The following ARHGEF26 variants were observed in gnomAD, a reference collection of about 807,000 sequenced individuals.
ARHGEF26 encodes the protein Rho guanine nucleotide exchange factor 26, also known as Rho guanine nucleotide exchange factor (GEF) 26.
In ARHGEF26, 59 loss-of-function variants were observed where a neutral mutation model predicts 89.4. The observed-to-expected ratio is 0.66, with a 90% CI of 0.54 to 0.82. The LOEUF (loss-of-function observed/expected upper bound fraction) is 0.82, where lower values mean the gene tolerates loss of function less well. ARHGEF26 is among the 40% of genes least tolerant of loss of function. The pLI, the probability that ARHGEF26 is intolerant of heterozygous loss-of-function variation, is 0.00. For synonymous variants in ARHGEF26, 500 were observed against 428.4 expected, an observed-to-expected ratio of 1.17 and a Z score of -2.06; for missense variants, 1,234 against 1,085.6, an observed-to-expected ratio of 1.14 and a Z score of -1.92.
At chr3:154,204,333 CT>C (rs55822103) in intron 9 of ARHGEF26, among the ~76,000 whole-genome samples, 200 of 113,308 alleles carry the variant, frequency 1.8e-3, no homozygotes, top group African/African-American at 5.4e-3. Context: ...TTTTCTTTTC[CT>C]TTTTTTTTTT....
At chr3:154,250,410 A>G (rs927206865) in intron 12 of ARHGEF26, among the ~76,000 whole-genome samples, 6 of 152,202 alleles carry the variant, frequency 3.9e-5, no homozygotes, top group East Asian at 1.9e-4. Flanking sequence ...CACTCAATTG[A>G]AAGTCTCAAA....
At chr3:154,226,693 ACACC>A (rs1559912602) in intron 11 of ARHGEF26, among the ~76,000 whole-genome samples, 2 of 123,132 alleles carry the variant, frequency 1.6e-5, no homozygotes, top group African/African-American at 5.7e-5. Context: ...ACACACACAC[ACACC>A]CCTTCAGCTC....
chr3:154,240,040 G>T (rs1717394813), intron 11 of ARHGEF26, among the ~76,000 whole-genome samples: 1 of 152,114 alleles, frequency 6.6e-6, no homozygotes, highest in African/African-American at 2.4e-5. Context: ...TGTGGAAGCT[G>T]GGGAGGTACA....
In ARHGEF26 at chr3:154,191,286, C is replaced by T. The variant is rs1310119471; in HGVS notation, c.1641-3C>T. 2 of 1,605,108 alleles carry T rather than the reference C, an allele frequency of 1.2e-6. No homozygotes were observed. Among genetic ancestry groups the T allele is most frequent in the East Asian group, 2.2e-5 (1 of 44,808 alleles). On this transcript the variant is annotated splice_polypyrimidine_tract_variant and splice_region_variant and intron_variant, in intron 7 of 14. Transcript: ENST00000465093. ...AGTTTCTCTTTTCTTTGTTTTCCCTCAGAGCTACCAATCCATCCTTTAAGG... is the reference window on the plus strand; with the variant it reads ...AGTTTCTCTTTTCTTTGTTTTCCCTTAGAGCTACCAATCCATCCTTTAAGG...
intron 11 of ARHGEF26, among the ~76,000 whole-genome samples, chr3:154,230,929 G>T (rs376638512): frequency 2.0e-5 from 3 of 152,100 alleles, no homozygotes; most frequent in East Asian, 1.9e-4. Flanking sequence ...AGCTGTGCAG[G>T]CTCCCTTGAA....
At chr3:154,207,997 A>G (rs919178020) in intron 9 of ARHGEF26, among the ~76,000 whole-genome samples, 3 of 152,200 alleles carry the variant, frequency 2.0e-5, no homozygotes, top group African/African-American at 7.2e-5. Flanking sequence ...GCAGGAACGG[A>G]AAAACACATA....
Position 154,124,271 on chromosome 3 carries a change from G to A in ARHGEF26, c.1084-139G>A. 3 of 629,374 alleles carry A rather than the reference G, an allele frequency of 4.8e-6. No individual in the cohort carries two copies. In the South Asian group the frequency reaches 5.9e-5, roughly 12 times the overall value. 39.0% of individuals were successfully genotyped at this position (629,374 alleles called of 1,614,324 possible). ...AACTCCTCCAGGGCTCAGCTTCTGTGCGCTCTTGGAAATCTAATTAATGTA... is the reference window on the plus strand; with the variant it reads ...AACTCCTCCAGGGCTCAGCTTCTGTACGCTCTTGGAAATCTAATTAATGTA... On this transcript the variant is annotated intron_variant, in intron 2 of 14. Transcript: ENST00000465093.
Position 154,253,124 on chromosome 3 carries a change from G to T in ARHGEF26, c.2309G>T (p.Arg770Leu), listed in dbSNP as rs756726624. 9 of 1,613,846 alleles carry T rather than the reference G, an allele frequency of 5.6e-6. No individual in the cohort carries two copies. In the East Asian group the frequency reaches 1.3e-4, roughly 24 times the overall value. Residue 770 changes from arginine (R) to leucine (L), a missense_variant, in exon 13 of 15, where the codon CGA (arginine) becomes CTA (leucine). Coordinates refer to ENST00000465093, the MANE Select transcript of ARHGEF26 (RefSeq NM_015595.4). ...TCTGCCCTCTGTTTTAGGAGCGAGC[G>T]AGCCCGCTGGATAACTGCCCTGGGA... is the stretch of plus-strand genomic sequence containing the variant. ...MLLGAETQSE[R>L]ARWITALGHS...
intron 9 of ARHGEF26, 90 bp downstream of exon 9, chr3:154,194,808 G>A: frequency 9.0e-7 from 1 of 1,114,258 alleles, no homozygotes; most frequent in Non-Finnish European, 1.3e-6. Context: ...GCTGAAAACT[G>A]GTAGAGTCTC....
chr3:154,224,634 G>A (rs1285983603), intron 10 of ARHGEF26, among the ~76,000 whole-genome samples: 1 of 152,172 alleles, frequency 6.6e-6, no homozygotes, highest in South Asian at 2.1e-4. Context: ...AGTTATCTAA[G>A]CAATCTGTCG....
chr3:154,191,506 G>A, intron 8 of ARHGEF26, 88 bp downstream of exon 8: 3 of 1,457,518 alleles, frequency 2.1e-6, no homozygotes, highest in Non-Finnish European at 2.7e-6. Context: ...CACTTAAATT[G>A]ATGCATATTT....
chr3:154,216,491 TA>T (rs146408459), intron 9 of ARHGEF26, among the ~76,000 whole-genome samples: 1,897 of 37,782 alleles, frequency 0.05, 24 homozygotes, highest in African/African-American at 0.11. Flanking sequence ...TTTTTTTTTT[TA>T]TTTTTTTTTA....
intron 3 of ARHGEF26, among the ~76,000 whole-genome samples, chr3:154,125,671 T>G (rs1477651630): frequency 6.6e-6 from 1 of 152,220 alleles, no homozygotes; most frequent in East Asian, 1.9e-4. Context: ...TTAGATTTTT[T>G]TTGAAGTCAG....
At chr3:154,121,081 T>TCAGGGCTTCCTAAGCTGCAATTCAG (rs1199784873), upstream of ARHGEF26, 2 of 152,248 alleles carry the variant, frequency 1.3e-5, no homozygotes, top group Non-Finnish European at 2.9e-5. Context: ...CCTCCAGGAT[T>TCAGGGCTTCCTAAGCTGCAATTCAG]CAGGGCTTCC....
At chr3:154,250,116 C>T (rs1243728677) in intron 12 of ARHGEF26, among the ~76,000 whole-genome samples, 2 of 152,144 alleles carry the variant, frequency 1.3e-5, no homozygotes, top group Non-Finnish European at 2.9e-5. Flanking sequence ...CCGCAACCTC[C>T]GCCTCCCAGG....
intron 4 of ARHGEF26, among the ~76,000 whole-genome samples, chr3:154,141,508 A>G (rs894524070): frequency 2.0e-5 from 3 of 152,212 alleles, no homozygotes; most frequent in African/African-American, 7.2e-5. Flanking sequence ...CTGCTTTTGC[A>G]GAGGCTGTGA....
chr3:154,224,713 C>T (rs1716367354), intron 10 of ARHGEF26, among the ~76,000 whole-genome samples: 1 of 152,152 alleles, frequency 6.6e-6, no homozygotes, highest in African/African-American at 2.4e-5. Flanking sequence ...TTGGGAACTT[C>T]ATAAACTCCC....
intron 4 of ARHGEF26, among the ~76,000 whole-genome samples, chr3:154,133,292 T>A (rs912126581): frequency 3.9e-5 from 6 of 152,120 alleles, no homozygotes; most frequent in African/African-American, 1.2e-4. Flanking sequence ...GTTCCCCATT[T>A]ATGGTGTTGG....
chr3:154,226,189 G>A (rs901446352), intron 11 of ARHGEF26, among the ~76,000 whole-genome samples, 179 bp downstream of exon 11: 10 of 152,046 alleles, frequency 6.6e-5, no homozygotes, highest in East Asian at 3.9e-4. Flanking sequence ...AGTTTCAGAC[G>A]AATCATTATC....
Sources: allele counts gnomAD v4.1 joint callset (sites outside exome capture counted in the v4.1 genomes callset), GRCh38; gene constraint gnomAD v4.1.1; transcripts MANE v1.5; gene names NCBI Gene and HGNC (gene_info 2026-07-23, HGNC 2026-07-21).